SATB2: variants seen among roughly 807,000 people sequenced by gnomAD.
The protein encoded by SATB2 is SATB homeobox 2, also known as DNA-binding protein SATB2.
Under a neutral mutation model 73.4 loss-of-function variants are expected in SATB2, and 1 was observed. That is an observed-to-expected ratio of 0.01 (90% CI 0.00 to 0.06). The LOEUF (loss-of-function observed/expected upper bound fraction) is 0.06, where lower values mean the gene tolerates loss of function less well. Among genes scored for constraint, SATB2 ranks in the 10% least tolerant of loss-of-function variants. SATB2 has a pLI of 1.00. For synonymous variants in SATB2, 397 were observed against 367.0 expected (o/e 1.08, Z -0.93); for missense variants, 459 against 945.8 (o/e 0.49, Z 6.75).
intron 3 of SATB2, among the ~76,000 whole-genome samples, chr2:199,386,728 A>G (rs1163928052): frequency 3.6e-4 from 10 of 27,894 alleles, no homozygotes; most frequent in East Asian, 1.2e-3. Context: ...ACACACACAC[A>G]CACACACACA....
At chr2:199,316,046 G>A (rs577223433) in intron 9 of SATB2, among the ~76,000 whole-genome samples, 1 of 152,164 alleles carries the variant, frequency 6.6e-6, no homozygotes, top group South Asian at 2.1e-4. Flanking sequence ...TAACCAAAGG[G>A]AAATGTTTTC....
chr2:199,451,162 T>C (rs915350126), intron 2 of SATB2, among the ~76,000 whole-genome samples: 19 of 150,162 alleles, frequency 1.3e-4, no homozygotes, highest in Admixed American at 4.7e-4. Flanking sequence ...GAGTATACAA[T>C]GGTCAGTGGG....
chr2:199,272,744 A>C lies in SATB2; in HGVS notation c.1741-72T>G, dbSNP rs954240544. On this transcript the variant is annotated intron_variant, in intron 10 of 10. Coordinates refer to ENST00000417098, the MANE Select transcript of SATB2 (RefSeq NM_001172509.2). The surrounding 1 kb of genome is among the most constrained non-coding windows in gnomAD (Gnocchi z 6.7). Reference sequence around the variant, plus strand: ...CCTTTCCAAAACCATCAGCCCTCTGAAATATGTGTTATCTATCTAGCACTG... The same window carrying C: ...CCTTTCCAAAACCATCAGCCCTCTGCAATATGTGTTATCTATCTAGCACTG... The C allele has an allele frequency of 3.7e-6, 5 of 1,362,550 alleles. No homozygotes were observed. The South Asian group carries it at 4.7e-5, about 13-fold the overall frequency. 84.4% of individuals were successfully genotyped at this position (1,362,550 alleles called of 1,614,324 possible).
At chr2:199,462,397 A>G (rs1692495790), upstream of SATB2, among the ~76,000 whole-genome samples, 1 of 152,142 alleles carries the variant, frequency 6.6e-6, no homozygotes, top group Admixed American at 6.5e-5. This position sits in a 1 kb window ranked among gnomAD's most constrained non-coding sequence, Gnocchi z 5.9. Context: ...AGGGGCTTAG[A>G]CTGGAAATCA....
Position 199,328,785 on chromosome 2 carries a change from G to A in SATB2, c.1299C>T (p.Tyr433=). ...NLPEVERDRI[Y]QDERERSMNP... The stretch of plus-strand genomic sequence containing the variant: ...TCATGCTCCGCTCCCTCTCATCCTG[G>A]TAGATGCGATCTCGCTCCACTTCTG... Residue 433 remains tyrosine (Y), a synonymous_variant, in exon 8 of 11, where the codon TAC becomes TAT. Transcript: ENST00000417098. The A allele has an allele frequency of 3.1e-6, 5 of 1,614,018 alleles. No individual in the cohort carries two copies. Among genetic ancestry groups the A allele is most frequent in the Non-Finnish European group, 4.2e-6 (5 of 1,179,946 alleles).
rs77601799 is a variant in SATB2, at chr2:199,333,204, G to T, written c.1174-4294C>A. Among the ~76,000 whole-genome samples the T allele has an allele frequency of 7.6e-3, 1,158 of 151,736 alleles. 13 individuals are homozygous for T. The highest frequency in any genetic ancestry group is 0.026 in the African/African-American group (1,087 of 41,404). On this transcript the variant is annotated intron_variant, in intron 7 of 10. Coordinates refer to ENST00000417098, the MANE Select transcript of SATB2 (RefSeq NM_001172509.2). Reference sequence around the variant, plus strand: ...ATTAATTCATTTCTTATTTATGATTGAATACAAAGTTCTGAGAGGGATGAA... The same window carrying T: ...ATTAATTCATTTCTTATTTATGATTTAATACAAAGTTCTGAGAGGGATGAA...
chr2:199,337,877 C>T (rs1370512560), intron 7 of SATB2, among the ~76,000 whole-genome samples: 1 of 152,014 alleles, frequency 6.6e-6, no homozygotes, highest in Non-Finnish European at 1.5e-5. Flanking sequence ...CAATAAATGA[C>T]CATGAAAGGA....
intron 6 of SATB2, among the ~76,000 whole-genome samples, chr2:199,359,814 T>C (rs1689086133): frequency 6.6e-6 from 1 of 152,158 alleles, no homozygotes; most frequent in Non-Finnish European, 1.5e-5. Flanking sequence ...AGAAAGGTGA[T>C]ACCCTGAAAG....
intron 5 of SATB2, chr2:199,368,927 G>A (rs1574554780): frequency 2.2e-6 from 1 of 453,638 alleles, no homozygotes; most frequent in East Asian, 4.1e-5. Context: ...CAACCCTGGG[G>A]CAATGTCAAC....
At chr2:199,421,169 A>G (rs907752237) in intron 3 of SATB2, among the ~76,000 whole-genome samples, 5 of 152,156 alleles carry the variant, frequency 3.3e-5, no homozygotes, top group Non-Finnish European at 7.4e-5. Context: ...CAGAGTAGGT[A>G]CTCAAATAGG....
At chr2:199,430,588 C>T (rs1337626865) in intron 3 of SATB2, among the ~76,000 whole-genome samples, 2 of 152,186 alleles carry the variant, frequency 1.3e-5, no homozygotes, top group African/African-American at 4.8e-5. Flanking sequence ...GTACTAATAT[C>T]TAGCCTTCAA....
intron 6 of SATB2, among the ~76,000 whole-genome samples, chr2:199,355,342 G>GTATCTATATATA (rs1249092587): frequency 3.7e-4 from 2 of 5,422 alleles, no homozygotes; most frequent in African/African-American, 4.1e-4. Context: ...GTGTGTGTGT[G>GTATCTATATATA]TGTATCTATA....
chr2:199,402,669 T>C lies in SATB2; in HGVS notation c.347-20849A>G, dbSNP rs546201895. On this transcript the variant is annotated intron_variant, in intron 3 of 10. Coordinates refer to ENST00000417098, the MANE Select transcript of SATB2 (RefSeq NM_001172509.2). ...TTTCAAAGGTACTAATAATGTTCTC[T>C]TTCCTAAGCAGAGTGGTAGGTACAA... 2.6e-5 allele frequency among the ~76,000 whole-genome samples: 4 copies of C among 152,258 alleles called. No homozygotes were observed. The South Asian group carries it at 8.3e-4, about 32-fold the overall frequency.
At chr2:199,462,757 C>T (rs1176687942), upstream of SATB2, among the ~76,000 whole-genome samples, 16 of 152,148 alleles carry the variant, frequency 1.1e-4, no homozygotes, top group Admixed American at 7.9e-4. The surrounding 1 kb of genome is among the most constrained non-coding windows in gnomAD (Gnocchi z 5.9). Flanking sequence ...GCCCCTGCGG[C>T]CCGAGCAGAG....
chr2:199,362,332 T>C (rs751795580), intron 6 of SATB2, among the ~76,000 whole-genome samples: 1 of 151,676 alleles, frequency 6.6e-6, no homozygotes. Context: ...TAAGGTATAA[T>C]TCATGCGCTG....
At chr2:199,278,658 G>GAA (rs1237214842) in intron 10 of SATB2, among the ~76,000 whole-genome samples, 1 of 152,208 alleles carries the variant, frequency 6.6e-6, no homozygotes, top group African/African-American at 2.4e-5. Context: ...TTACCAGAGA[G>GAA]ATGGGAAAAT....
intron 8 of SATB2, among the ~76,000 whole-genome samples, chr2:199,328,171 G>C (rs768592456): frequency 2.6e-5 from 4 of 152,266 alleles, no homozygotes; most frequent in Non-Finnish European, 5.9e-5. Flanking sequence ...ACTTCCTAAA[G>C]GGACAGAAAT....
intron 9 of SATB2, among the ~76,000 whole-genome samples, chr2:199,313,979 T>C (rs1687662320): frequency 6.6e-6 from 1 of 152,204 alleles, no homozygotes; most frequent in Admixed American, 6.5e-5. Flanking sequence ...CATGTTACTC[T>C]CTTAGATGGA....
intron 3 of SATB2, among the ~76,000 whole-genome samples, chr2:199,382,064 T>C (rs532351368): frequency 6.6e-6 from 1 of 152,336 alleles, no homozygotes; most frequent in South Asian, 2.1e-4. Context: ...TTTTCCTGTT[T>C]CTTAAATTAC....
Sources: gnomAD v4.1 joint callset for allele counts (sites outside exome capture counted in the v4.1 genomes callset) on GRCh38, gnomAD v4.1.1 for gene constraint, Gnocchi (gnomAD v3.1) non-coding constraint, MANE v1.5 for transcripts, NCBI Gene and HGNC (gene_info 2026-07-23, HGNC 2026-07-21) for gene names.